SRPK2: variants seen among roughly 807,000 people sequenced by gnomAD.
SRPK2 encodes the protein SRSF protein kinase 2.
A neutral mutation model predicts 90.8 loss-of-function variants in SRPK2; 21 were observed. The ratio of observed to expected loss-of-function variants is 0.23; its 90% CI spans 0.16 to 0.33. The LOEUF (loss-of-function observed/expected upper bound fraction) is 0.33, where lower values mean the gene tolerates loss of function less well. Among genes scored for constraint, SRPK2 ranks in the 10% least tolerant of loss-of-function variants. SRPK2 has a pLI of 1.00. For missense variants in SRPK2, 620 were observed against 869.0 expected (o/e 0.71, Z 3.60); for synonymous variants, 288 against 311.1 (o/e 0.93, Z 0.78).
chr7:105,116,987 G>C lies in SRPK2; in HGVS notation c.*851C>G, dbSNP rs1402861417. 1 of 152,180 alleles carries C rather than the reference G, an allele frequency of 6.6e-6. No homozygotes were observed. Among genetic ancestry groups the C allele is most frequent in the African/African-American group, 2.4e-5 (1 of 41,442 alleles). 9.4% of individuals were successfully genotyped at this position (152,180 alleles called of 1,614,324 possible). A position where few individuals can be genotyped will look rare whatever the true frequency, so the allele number is the denominator to read the frequency against. ...TGTAGAGCTTAACTTACAGCGCCCA[G>C]AGGAGGCAACATGACATGGTACTGA... On this transcript the variant is annotated 3_prime_UTR_variant, in exon 16 of 16. Coordinates refer to ENST00000393651, the MANE Select transcript of SRPK2 (RefSeq NM_182692.3).
At chr7:105,225,038 A>G (rs1301498166) in intron 2 of SRPK2, among the ~76,000 whole-genome samples, 1 of 152,160 alleles carries the variant, frequency 6.6e-6, no homozygotes, top group African/African-American at 2.4e-5. Context: ...ACCATCAAAA[A>G]ACTGTAAGCC....
In SRPK2 at chr7:105,294,194, A is replaced by G. The variant is rs1338583500; in HGVS notation, c.72-90409T>C. On this transcript the variant is annotated intron_variant, in intron 2 of 15. Transcript: ENST00000393651. ...CCAAAGTTCAATGAATGGAACTGGGAAAAAGAAGTTCCGCAGTTTGAACAA... is the reference window on the plus strand; with the variant it reads ...CCAAAGTTCAATGAATGGAACTGGGGAAAAGAAGTTCCGCAGTTTGAACAA... Among the ~76,000 whole-genome samples the G allele has an allele frequency of 2.0e-5, 3 of 152,220 alleles. No individual in the cohort carries two copies. In the East Asian group the frequency reaches 5.8e-4, roughly 29 times the overall value.
intron 2 of SRPK2, among the ~76,000 whole-genome samples, chr7:105,248,843 G>A (rs1212788454): frequency 4.0e-5 from 6 of 151,004 alleles, no homozygotes; most frequent in Admixed American, 1.3e-4. Flanking sequence ...GGAGAACGGC[G>A]TGAACCCGGG....
At chr7:105,307,774 A>G (rs1181743119) in intron 2 of SRPK2, among the ~76,000 whole-genome samples, 1 of 152,186 alleles carries the variant, frequency 6.6e-6, no homozygotes, top group African/African-American at 2.4e-5. Context: ...CTTTAAGTAT[A>G]TATTTTATAA....
At chr7:105,178,722 T>C (rs1035226786) in intron 3 of SRPK2, among the ~76,000 whole-genome samples, 2 of 152,030 alleles carry the variant, frequency 1.3e-5, no homozygotes, top group African/African-American at 4.8e-5. Flanking sequence ...CTCCGAAGGA[T>C]CACTTGGGTC....
At chr7:105,144,555 A>G (rs1346862524) in intron 9 of SRPK2, among the ~76,000 whole-genome samples, 2 of 152,036 alleles carry the variant, frequency 1.3e-5, no homozygotes, top group Non-Finnish European at 2.9e-5. Context: ...ATAAGGACAT[A>G]GTGTTTTGAC....
chr7:105,355,452 C>A (rs564647565), intron 2 of SRPK2, among the ~76,000 whole-genome samples: 1 of 152,190 alleles, frequency 6.6e-6, no homozygotes, highest in African/African-American at 2.4e-5. Flanking sequence ...TGAAACCAGC[C>A]TGGGCAACAT....
intron 2 of SRPK2, among the ~76,000 whole-genome samples, chr7:105,382,909 C>T (rs1308431424): frequency 2.0e-5 from 3 of 152,102 alleles, no homozygotes; most frequent in Non-Finnish European, 4.4e-5. Context: ...GAATTAATAA[C>T]ATTGTCTCAA....
At chr7:105,268,158 G>A (rs1805350599) in intron 2 of SRPK2, among the ~76,000 whole-genome samples, 1 of 152,158 alleles carries the variant, frequency 6.6e-6, no homozygotes, top group African/African-American at 2.4e-5. Context: ...ATAATCATAT[G>A]ATTGACAGAT....
intron 2 of SRPK2, among the ~76,000 whole-genome samples, chr7:105,383,411 A>G (rs868003401): frequency 2.7e-5 from 4 of 148,924 alleles, no homozygotes; most frequent in Admixed American, 6.8e-5. Flanking sequence ...AACAAAAAAC[A>G]AAACAGAATT....
intron 3 of SRPK2, among the ~76,000 whole-genome samples, chr7:105,174,608 C>T (rs1791597697): frequency 1.3e-5 from 2 of 152,018 alleles, no homozygotes; most frequent in African/African-American, 4.8e-5. Flanking sequence ...TTCACAGTAA[C>T]ATAACATAAA....
chr7:105,221,017 G>T (rs1418491527), intron 2 of SRPK2, among the ~76,000 whole-genome samples: 1 of 152,060 alleles, frequency 6.6e-6, no homozygotes, highest in Non-Finnish European at 1.5e-5. Context: ...TATTTATTTG[G>T]CAGAATCAGA....
intron 3 of SRPK2, among the ~76,000 whole-genome samples, chr7:105,174,711 T>C (rs569035754): frequency 1.8e-4 from 27 of 152,336 alleles, no homozygotes; most frequent in African/African-American, 5.8e-4. Flanking sequence ...TATGGAAGAT[T>C]TGAACACACT....
intron 2 of SRPK2, among the ~76,000 whole-genome samples, chr7:105,383,291 T>A (rs183300715): frequency 2.2e-3 from 333 of 151,116 alleles, no homozygotes; most frequent in African/African-American, 7.7e-3. Context: ...ATGGTCTCGA[T>A]CTCCTGACCT....
In SRPK2 at chr7:105,203,747, G is replaced by A. The variant is rs1451641555; in HGVS notation, c.110C>T (p.Pro37Leu). 2 of 1,605,752 alleles carry A rather than the reference G, an allele frequency of 1.2e-6. No individual in the cohort carries two copies. Among genetic ancestry groups the A allele is most frequent in the Admixed American group, 3.4e-5 (2 of 58,544 alleles). ...PQQKAPLVPP[P>L]PPPPPPPPPP... ...CGGTGGTGGTGGTGGTGGCGGTGGA[G>A]GAGGAGGAACTAAAGGAGCTTTCTG... Residue 37 changes from proline (P) to leucine (L), a missense_variant, in exon 3 of 16, where the codon CCT (proline) becomes CTT (leucine). Transcript: ENST00000393651.
upstream of SRPK2, among the ~76,000 whole-genome samples, chr7:105,392,750 T>G (rs774284701): frequency 1.3e-5 from 2 of 151,824 alleles, no homozygotes; most frequent in Non-Finnish European, 2.9e-5. Context: ...CACCTGCCTC[T>G]GCCTCCCTAA....
At chr7:105,365,667 C>T (rs919593596) in intron 2 of SRPK2, among the ~76,000 whole-genome samples, 4 of 151,330 alleles carry the variant, frequency 2.6e-5, no homozygotes, top group African/African-American at 7.3e-5. Context: ...GGCGTGGTGG[C>T]GTGTACCTGC....
chr7:105,215,610 T>G (rs1415470078), intron 2 of SRPK2, among the ~76,000 whole-genome samples: 2 of 152,092 alleles, frequency 1.3e-5, no homozygotes, highest in Non-Finnish European at 2.9e-5. Context: ...AATGGATAAA[T>G]TAAAATGTGG....
chr7:105,121,491 T>G (rs942144302), intron 15 of SRPK2, among the ~76,000 whole-genome samples: 2 of 152,224 alleles, frequency 1.3e-5, no homozygotes, highest in African/African-American at 2.4e-5. Flanking sequence ...ATTTCTAGCC[T>G]GTCCTCCTTA....
Sources: gnomAD v4.1 joint callset for allele counts (sites outside exome capture counted in the v4.1 genomes callset) on GRCh38, gnomAD v4.1.1 for gene constraint, MANE v1.5 for transcripts, NCBI Gene and HGNC (gene_info 2026-07-23, HGNC 2026-07-21) for gene names.